The following SLC14A2 variants were observed in gnomAD, a reference collection of about 807,000 sequenced individuals.
SLC14A2 encodes the protein solute carrier family 14 member 2.
A neutral mutation model predicts 104.6 loss-of-function variants in SLC14A2; 91 were observed. The observed-to-expected ratio is 0.87, with a 90% confidence interval of 0.73 to 1.04. The LOEUF (loss-of-function observed/expected upper bound fraction) is 1.04. Among genes scored for constraint, SLC14A2 ranks in the 50% least tolerant of loss-of-function variants. The probability of loss-of-function intolerance (pLI) is 0.00; values close to 1 mark genes in which losing one functional copy is unlikely to be tolerated. For synonymous variants in SLC14A2, 476 were observed against 466.4 expected (o/e 1.02, Z -0.27); for missense variants, 1,189 against 1,156.0 (o/e 1.03, Z -0.41).
At chr18:45,479,321 G>A (rs2087448425) in intron 1 of SLC14A2, among the ~76,000 whole-genome samples, 1 of 152,162 alleles carries the variant, frequency 6.6e-6, no homozygotes, top group Admixed American at 6.5e-5. Context: ...AATATTAATA[G>A]CTAATAATAA....
At chr18:45,489,658 T>C (rs915756463) in intron 2 of SLC14A2, among the ~76,000 whole-genome samples, 1 of 152,076 alleles carries the variant, frequency 6.6e-6, no homozygotes, top group African/African-American at 2.4e-5. Context: ...GGCATATAAA[T>C]CCCAGCTGTC....
chr18:45,679,983 T>C (rs771845799), intron 19 of SLC14A2, among the ~76,000 whole-genome samples: 5 of 152,158 alleles, frequency 3.3e-5, no homozygotes, highest in Non-Finnish European at 7.3e-5. Flanking sequence ...ATTATCTTTA[T>C]CTCCAGTATC....
At chr18:45,410,936 G>T (rs2086208294) in intron 1 of SLC14A2, among the ~76,000 whole-genome samples, 1 of 152,158 alleles carries the variant, frequency 6.6e-6, no homozygotes, top group African/African-American at 2.4e-5. Context: ...ATAAGCATTA[G>T]CTCCCCATCC....
At chr18:45,218,197 C>G (rs1003846991) in intron 1 of SLC14A2, among the ~76,000 whole-genome samples, 4 of 152,298 alleles carry the variant, frequency 2.6e-5, no homozygotes, top group Admixed American at 6.5e-5. Flanking sequence ...TAGCCCATGG[C>G]AACCACCATT....
At chr18:45,280,769 C>T (rs1475869121) in intron 1 of SLC14A2, among the ~76,000 whole-genome samples, 2 of 152,196 alleles carry the variant, frequency 1.3e-5, no homozygotes, top group Admixed American at 1.3e-4. Context: ...GTTTATCCCC[C>T]TGTGGTCTGG....
At chr18:45,286,989 C>T (rs1012109829) in intron 1 of SLC14A2, among the ~76,000 whole-genome samples, 1 of 152,210 alleles carries the variant, frequency 6.6e-6, no homozygotes, top group African/African-American at 2.4e-5. Context: ...TACCTGTGTG[C>T]ACTCATTACC....
At chr18:45,447,367 A>G (rs932087083) in intron 1 of SLC14A2, 5 of 152,228 alleles carry the variant, frequency 3.3e-5, no homozygotes, top group Admixed American at 3.3e-4. Flanking sequence ...ATGTGAAGCC[A>G]GAGAGGAGAG....
chr18:45,324,553 A>C (rs1599675455), intron 1 of SLC14A2, among the ~76,000 whole-genome samples: 2 of 148,914 alleles, frequency 1.3e-5, no homozygotes, highest in East Asian at 2.0e-4. Flanking sequence ...CCTCCCCCTC[A>C]CCCCACCCCC....
chr18:45,340,527 G>C (rs2085383186), intron 1 of SLC14A2, among the ~76,000 whole-genome samples: 2 of 152,168 alleles, frequency 1.3e-5, no homozygotes, highest in Non-Finnish European at 2.9e-5. Flanking sequence ...TATTCAATCG[G>C]AGTCCATCAT....
chr18:45,377,477 G>A (rs1419815973), intron 1 of SLC14A2, among the ~76,000 whole-genome samples: 1 of 152,062 alleles, frequency 6.6e-6, no homozygotes, highest in Non-Finnish European at 1.5e-5. Context: ...AGTCCTACCA[G>A]CACCTCAGAA....
At chr18:45,641,934 C>T (rs1210700989) in intron 8 of SLC14A2, among the ~76,000 whole-genome samples, 3 of 152,214 alleles carry the variant, frequency 2.0e-5, no homozygotes, top group Non-Finnish European at 4.4e-5. Flanking sequence ...TGTATCCCAG[C>T]ACCATACCCT....
At chr18:45,315,301 A>G (rs2085118475) in intron 1 of SLC14A2, among the ~76,000 whole-genome samples, 1 of 152,186 alleles carries the variant, frequency 6.6e-6, no homozygotes, top group Non-Finnish European at 1.5e-5. Context: ...TTGTGGTCTA[A>G]TTGGAAAGGT....
chr18:45,458,166 A>T (rs2086979025), intron 1 of SLC14A2, among the ~76,000 whole-genome samples: 1 of 152,216 alleles, frequency 6.6e-6, no homozygotes, highest in Non-Finnish European at 1.5e-5. Flanking sequence ...GCTGCCTAGC[A>T]CCTGCCATCT....
chr18:45,376,487 G>C (rs2085775936), intron 1 of SLC14A2, among the ~76,000 whole-genome samples: 1 of 152,090 alleles, frequency 6.6e-6, no homozygotes, highest in African/African-American at 2.4e-5. Context: ...TTCTGCTAAG[G>C]GTTACTGAGA....
At chr18:45,369,810 GGT>G (rs1269874985) in intron 1 of SLC14A2, among the ~76,000 whole-genome samples, 1 of 152,170 alleles carries the variant, frequency 6.6e-6, no homozygotes, top group Non-Finnish European at 1.5e-5. Flanking sequence ...AGGACTCTTT[GGT>G]GAGATTACAG....
At chr18:45,665,105 G>T (rs2045994417) in intron 11 of SLC14A2, among the ~76,000 whole-genome samples, 1 of 152,086 alleles carries the variant, frequency 6.6e-6, no homozygotes, top group African/African-American at 2.4e-5. Flanking sequence ...GTCCTGAATG[G>T]TGTCACCTCC....
chr18:45,360,897 T>C (rs1333894729), intron 1 of SLC14A2, among the ~76,000 whole-genome samples: 1 of 152,104 alleles, frequency 6.6e-6, no homozygotes, highest in Non-Finnish European at 1.5e-5. Context: ...TCTGAAACAT[T>C]CCCCCATCTC....
intron 1 of SLC14A2, among the ~76,000 whole-genome samples, chr18:45,354,745 G>A (rs1335439182): frequency 1.3e-5 from 2 of 152,166 alleles, no homozygotes; most frequent in Non-Finnish European, 2.9e-5. Flanking sequence ...CAAATTTCAT[G>A]GTATATGCTG....
intron 1 of SLC14A2, among the ~76,000 whole-genome samples, chr18:45,459,679 C>T (rs546523794): frequency 2.1e-4 from 32 of 152,330 alleles, no homozygotes; most frequent in African/African-American, 7.2e-4. Flanking sequence ...AGAATCGGGA[C>T]ATCTCCAGCC....
Sources: allele counts gnomAD v4.1 joint callset (sites outside exome capture counted in the v4.1 genomes callset), GRCh38; gene constraint gnomAD v4.1.1; transcripts MANE v1.5; gene names NCBI Gene and HGNC (gene_info 2026-07-23, HGNC 2026-07-21).